NPAS3: variants seen among roughly 807,000 people sequenced by gnomAD.
The protein encoded by NPAS3 is neuronal PAS domain-containing protein 3.
In NPAS3, 14 loss-of-function variants were observed where a neutral mutation model predicts 73.1. The observed-to-expected ratio is 0.19, with a 90% CI of 0.13 to 0.30. The LOEUF is 0.30. Ranked by LOEUF, NPAS3 falls within the 10% of genes least tolerant of loss-of-function variation. The pLI, the probability that NPAS3 is intolerant of heterozygous loss-of-function variation, is 1.00. For missense variants in NPAS3, 1,096 were observed against 1,250.0 expected (o/e 0.88, Z 1.86); for synonymous variants, 620 against 541.5 (o/e 1.14, Z -2.01).
intron 2 of NPAS3, among the ~76,000 whole-genome samples, chr14:33,211,371 A>G (rs142479447): frequency 6.6e-6 from 1 of 152,196 alleles, no homozygotes; most frequent in Non-Finnish European, 1.5e-5. Flanking sequence ...ACTTGAGGTC[A>G]GGAGTTAGAG....
At chr14:33,111,984 A>G (rs1256843398) in intron 2 of NPAS3, among the ~76,000 whole-genome samples, 3 of 152,046 alleles carry the variant, frequency 2.0e-5, no homozygotes, top group Non-Finnish European at 4.4e-5. Context: ...CCATGTCCCT[A>G]CAAAGGACAT....
At chr14:33,331,676 A>G (rs1489561843) in intron 3 of NPAS3, among the ~76,000 whole-genome samples, 2 of 152,220 alleles carry the variant, frequency 1.3e-5, no homozygotes, top group Non-Finnish European at 2.9e-5. Flanking sequence ...TTGGAACAAT[A>G]TATAAGCTAA....
At chr14:33,077,006 C>T (rs1233628312) in intron 2 of NPAS3, among the ~76,000 whole-genome samples, 1 of 152,124 alleles carries the variant, frequency 6.6e-6, no homozygotes, top group Non-Finnish European at 1.5e-5. Flanking sequence ...ATTTGTTGAG[C>T]ACCTACCAGG....
intron 1 of NPAS3, among the ~76,000 whole-genome samples, chr14:32,963,758 C>T (rs774688515): frequency 6.6e-6 from 1 of 151,998 alleles, no homozygotes; most frequent in Non-Finnish European, 1.5e-5. Context: ...GTAGATGATT[C>T]AATTAGGTAA....
At chr14:33,099,802 C>A (rs2042529865) in intron 2 of NPAS3, among the ~76,000 whole-genome samples, 1 of 151,962 alleles carries the variant, frequency 6.6e-6, no homozygotes, top group Admixed American at 6.6e-5. Context: ...GGTTTTATAC[C>A]ATTTTAATAA....
chr14:33,089,792 C>G (rs10133957), intron 2 of NPAS3, among the ~76,000 whole-genome samples: 3 of 151,670 alleles, frequency 2.0e-5, no homozygotes, highest in Non-Finnish European at 2.9e-5. Context: ...AGACTAACAG[C>G]AGATCTCTCG....
intron 3 of NPAS3, among the ~76,000 whole-genome samples, chr14:33,290,156 T>C (rs546500762): frequency 6.6e-6 from 1 of 152,362 alleles, no homozygotes; most frequent in African/African-American, 2.4e-5. Flanking sequence ...TTGCCTGGGT[T>C]CATGTTACCT....
chr14:33,332,591 G>C (rs550515043), intron 3 of NPAS3, among the ~76,000 whole-genome samples: 1 of 152,074 alleles, frequency 6.6e-6, no homozygotes, highest in Admixed American at 6.6e-5. Flanking sequence ...ACCATGTCAC[G>C]TCCCCTTAAC....
At chr14:33,395,335 G>A (rs1201571222) in intron 4 of NPAS3, among the ~76,000 whole-genome samples, 1 of 151,818 alleles carries the variant, frequency 6.6e-6, no homozygotes, top group Non-Finnish European at 1.5e-5. Context: ...AAGCATAGCT[G>A]TTAATTTTGA....
chr14:33,313,990 A>AT (rs1484114329), intron 3 of NPAS3, among the ~76,000 whole-genome samples: 1 of 152,036 alleles, frequency 6.6e-6, no homozygotes, highest in East Asian at 1.9e-4. Context: ...TAGGTATGGC[A>AT]TTTTTCTTCC....
At chr14:32,941,309 CTCCTTCCTTCCT>C (rs1226851739) in intron 1 of NPAS3, among the ~76,000 whole-genome samples, 2 of 6,868 alleles carry the variant, frequency 2.9e-4, no homozygotes, top group East Asian at 2.5e-3. Flanking sequence ...CCCTCCCTCC[CTCCTTCCTTCCT>C]TCCTTCCTTC....
At chr14:33,115,164 G>C (rs1366190097) in intron 2 of NPAS3, among the ~76,000 whole-genome samples, 2 of 152,174 alleles carry the variant, frequency 1.3e-5, no homozygotes, top group Non-Finnish European at 2.9e-5. Context: ...ATATCGGAAA[G>C]GGATAGGTGG....
At chr14:33,048,819 T>TA (rs1426886831) in intron 1 of NPAS3, among the ~76,000 whole-genome samples, 1 of 152,212 alleles carries the variant, frequency 6.6e-6, no homozygotes, top group Non-Finnish European at 1.5e-5. Context: ...TTCTAACACT[T>TA]ACTGGATGAA....
At chr14:33,384,211 AT>A (rs1464925261) in intron 4 of NPAS3, among the ~76,000 whole-genome samples, 6 of 152,250 alleles carry the variant, frequency 3.9e-5, no homozygotes, top group African/African-American at 1.4e-4. Context: ...GGTCCGTTTT[AT>A]TTTAAAATGA....
chr14:33,028,405 C>A (rs1459349673), intron 1 of NPAS3, among the ~76,000 whole-genome samples: 4 of 152,126 alleles, frequency 2.6e-5, no homozygotes, highest in Non-Finnish European at 5.9e-5. Context: ...AAGGGAAAAG[C>A]TTGAACAATA....
At chr14:33,528,500 G>T (rs1393482041) in intron 4 of NPAS3, among the ~76,000 whole-genome samples, 1 of 151,956 alleles carries the variant, frequency 6.6e-6, no homozygotes, top group Admixed American at 6.6e-5. Context: ...AAAGAGGAGG[G>T]AGTGGTCGTC....
chr14:33,444,359 G>A (rs1399145094), intron 4 of NPAS3, among the ~76,000 whole-genome samples: 4 of 152,214 alleles, frequency 2.6e-5, no homozygotes, highest in African/African-American at 9.6e-5. Context: ...TGTGAGCAGT[G>A]ACGGGATGAC....
intron 3 of NPAS3, among the ~76,000 whole-genome samples, chr14:33,324,950 A>C (rs2043625536): frequency 6.6e-6 from 1 of 152,094 alleles, no homozygotes; most frequent in Admixed American, 6.6e-5. Context: ...TTTAGTTCTA[A>C]AGTTGTCTTT....
At chr14:32,977,356 G>GCACA (rs3057259) in intron 1 of NPAS3, among the ~76,000 whole-genome samples, 1,957 of 141,536 alleles carry the variant, frequency 0.014, 44 homozygotes, top group African/African-American at 0.047. Context: ...TCTCTGACAC[G>GCACA]CACACACACA....
Sources: gnomAD v4.1 joint callset for allele counts (sites outside exome capture counted in the v4.1 genomes callset) on GRCh38, gnomAD v4.1.1 for gene constraint, MANE v1.5 for transcripts, NCBI Gene and HGNC (gene_info 2026-07-23, HGNC 2026-07-21) for gene names.